DSCAM: variants seen among roughly 807,000 people sequenced by gnomAD.
DSCAM encodes cell adhesion molecule DSCAM.
A neutral mutation model predicts 217.7 loss-of-function variants in DSCAM; 47 were observed. The ratio of observed to expected loss-of-function variants is 0.22; its 90% CI spans 0.17 to 0.28. DSCAM has a LOEUF of 0.28. Among genes scored for constraint, DSCAM ranks in the 10% least tolerant of loss-of-function variants. The pLI is 1.00. For missense variants in DSCAM, 2,080 were observed against 2,618.3 expected (o/e 0.79, Z 4.49); for synonymous variants, 1,056 against 1,015.3 (o/e 1.04, Z -0.76).
chr21:40,103,808 G>T (rs1053223839), intron 20 of DSCAM, among the ~76,000 whole-genome samples: 7 of 148,782 alleles, frequency 4.7e-5, no homozygotes, highest in African/African-American at 1.7e-4. Context: ...ATATATATAT[G>T]ACTATAGATA....
At position 40,463,013 on chromosome 21, in the gene DSCAM, C is replaced by T. The variant is rs145506740; in HGVS notation, c.509-93768G>A. On this transcript the variant is annotated intron_variant, in intron 3 of 32. Coordinates refer to ENST00000400454, the MANE Select transcript of DSCAM (RefSeq NM_001389.5). ...TATTGTATCACTGCAATTGTTGCTACTATTTCCTCTTTGACATACTTTCTG... is the reference window on the plus strand; with the variant it reads ...TATTGTATCACTGCAATTGTTGCTATTATTTCCTCTTTGACATACTTTCTG... 7.6e-3 allele frequency among the ~76,000 whole-genome samples: 1,152 copies of T among 152,276 alleles called. 53 individuals are homozygous for T. Among genetic ancestry groups the T allele is most frequent in the Admixed American group, 0.069 (1,058 of 15,280 alleles).
At chr21:40,208,754 A>C (rs2091152366) in intron 11 of DSCAM, among the ~76,000 whole-genome samples, 3 of 152,108 alleles carry the variant, frequency 2.0e-5, no homozygotes, top group Admixed American at 2.0e-4. Context: ...CCCTACACAA[A>C]ATCCCCTTGG....
At position 40,298,346 on chromosome 21, in the gene DSCAM, G is replaced by GGTGC. The variant is rs1319766418; in HGVS notation, c.2063-2173_2063-2172insGCAC. Among the ~76,000 whole-genome samples, 191 of 152,164 alleles carry GGTGC rather than the reference G, an allele frequency of 1.3e-3. 1 individual carries two copies. The highest frequency in any genetic ancestry group is 6.8e-3 in the Middle Eastern group (2 of 294). ...TCCACCAGCCTCAGCCTCCCAAAGT[G>GGTGC]CTGGGATTACAGGCGTGAGCCACTG... is the stretch of plus-strand genomic sequence containing the variant. On this transcript the variant is annotated intron_variant, in intron 9 of 32. Transcript: ENST00000400454.
At chr21:40,459,735 T>C (rs1462730756) in intron 3 of DSCAM, among the ~76,000 whole-genome samples, 2 of 152,134 alleles carry the variant, frequency 1.3e-5, no homozygotes, top group South Asian at 2.1e-4. Flanking sequence ...ATATGAAAGA[T>C]ATTTTTTTCT....
At chr21:40,341,694 C>A (rs939298795) in intron 6 of DSCAM, among the ~76,000 whole-genome samples, 9 of 152,124 alleles carry the variant, frequency 5.9e-5, no homozygotes, top group Admixed American at 5.9e-4. Flanking sequence ...AGAGTATGCA[C>A]GCTTTATATG....
chr21:40,716,911 G>A (rs1427101584), intron 1 of DSCAM, among the ~76,000 whole-genome samples: 1 of 152,152 alleles, frequency 6.6e-6, no homozygotes, highest in African/African-American at 2.4e-5. Flanking sequence ...GGTTGTGACA[G>A]AAACATTCAC....
intron 1 of DSCAM, among the ~76,000 whole-genome samples, chr21:40,721,230 ACAAT>A (rs752353677): frequency 6.6e-6 from 1 of 152,242 alleles, no homozygotes; most frequent in African/African-American, 2.4e-5. Flanking sequence ...ATAGAAACCA[ACAAT>A]CAATCAATAA....
In DSCAM at chr21:40,200,016, C is replaced by CTTTTTT. The variant is rs369465225; in HGVS notation, c.2357-10784_2357-10779dup. Among the ~76,000 whole-genome samples the CTTTTTT allele has an allele frequency of 6.3e-4, 85 of 135,192 alleles. 2 individuals carry two copies. The highest frequency in any genetic ancestry group is 2.0e-3 in the African/African-American group (74 of 36,294). The allele number at this position is 135,192 out of a possible 152,430, so 88.7% of individuals were successfully genotyped here. A position where few individuals can be genotyped will look rare whatever the true frequency, so the allele number is the denominator to read the frequency against. On this transcript the variant is annotated intron_variant, in intron 11 of 32. Transcript: ENST00000400454. ...GCGAATACTTGCTGTCCTCAGGATT[C>CTTTTTT]TTTTTTTTTTTTTTTTGGTAAAATA...
intron 3 of DSCAM, among the ~76,000 whole-genome samples, chr21:40,515,392 CTCTCAT>C: frequency 6.6e-6 from 1 of 152,334 alleles, no homozygotes; most frequent in South Asian, 2.1e-4. Context: ...CTTTCCCTTT[CTCTCAT>C]TCTAATGAAA....
chr21:40,368,092 T>C (rs552491763), intron 4 of DSCAM, among the ~76,000 whole-genome samples: 1 of 152,312 alleles, frequency 6.6e-6, no homozygotes, highest in Admixed American at 6.5e-5. Flanking sequence ...ACCACTTATG[T>C]CATCATTTGG....
chr21:40,789,713 G>A (rs1423175790), intron 1 of DSCAM, among the ~76,000 whole-genome samples: 3 of 151,884 alleles, frequency 2.0e-5, no homozygotes, highest in African/African-American at 4.8e-5. Context: ...CCACCACCCC[G>A]CCCAGCTAAT....
At position 40,473,549 on chromosome 21, in the gene DSCAM, G is replaced by A. The variant is rs558751975; in HGVS notation, c.509-104304C>T. Among the ~76,000 whole-genome samples the A allele has an allele frequency of 3.3e-5, 5 of 152,286 alleles. No individual in the cohort carries two copies. In the South Asian group the frequency reaches 8.3e-4, roughly 25 times the overall value. Reference sequence around the variant, plus strand: ...ACTGAGGGCTCTGAAATTGGGCAGCGGTCACCTATCAGGTAGATCATACAG... The same window carrying A: ...ACTGAGGGCTCTGAAATTGGGCAGCAGTCACCTATCAGGTAGATCATACAG... On this transcript the variant is annotated intron_variant, in intron 3 of 32. Transcript: ENST00000400454.
intron 3 of DSCAM, among the ~76,000 whole-genome samples, chr21:40,521,873 A>C (rs545159670): frequency 7.2e-5 from 11 of 152,332 alleles, no homozygotes; most frequent in Non-Finnish European, 1.3e-4. Flanking sequence ...CCCAGAAAGA[A>C]ATGATAAATG....
intron 11 of DSCAM, among the ~76,000 whole-genome samples, chr21:40,212,621 T>C (rs1005876659): frequency 6.6e-6 from 1 of 152,084 alleles, no homozygotes; most frequent in African/African-American, 2.4e-5. Context: ...GCAATTTATA[T>C]GGTTGGCAAT....
intron 1 of DSCAM, among the ~76,000 whole-genome samples, chr21:40,821,371 GCA>G (rs1011719432): frequency 6.7e-5 from 10 of 149,674 alleles, no homozygotes; most frequent in South Asian, 2.1e-4. Flanking sequence ...GTGCATGCAT[GCA>G]CACACACAGA....
intron 3 of DSCAM, among the ~76,000 whole-genome samples, chr21:40,644,119 G>A (rs1252535479): frequency 6.6e-5 from 10 of 152,180 alleles, no homozygotes; most frequent in East Asian, 1.9e-4. Context: ...TCAGAACTCC[G>A]CCTAGAGAAA....
chr21:40,235,722 C>T (rs1199696341), intron 11 of DSCAM, among the ~76,000 whole-genome samples: 2 of 151,712 alleles, frequency 1.3e-5, no homozygotes, highest in East Asian at 1.9e-4. Context: ...AAGGACATTG[C>T]AGCTAGGAAG....
chr21:40,777,091 T>C (rs767618521), intron 1 of DSCAM, among the ~76,000 whole-genome samples: 7 of 152,162 alleles, frequency 4.6e-5, no homozygotes, highest in Non-Finnish European at 1.0e-4. Context: ...CCAAGAAGTC[T>C]AAGATCAAGG....
chr21:40,805,379 A>G (rs1448584216), intron 1 of DSCAM, among the ~76,000 whole-genome samples: 1 of 152,128 alleles, frequency 6.6e-6, no homozygotes, highest in African/African-American at 2.4e-5. Context: ...TAATCATGAC[A>G]TCAGTGAGAT....
Sources: gnomAD v4.1 joint callset for allele counts (sites outside exome capture counted in the v4.1 genomes callset) on GRCh38, gnomAD v4.1.1 for gene constraint, MANE v1.5 for transcripts, NCBI Gene and HGNC (gene_info 2026-07-23, HGNC 2026-07-21) for gene names.